Variants in SP4 observed in about 807,000 individuals in gnomAD.
SP4 encodes the protein transcription factor Sp4.
Under a neutral mutation model 72.8 loss-of-function variants are expected in SP4, and 19 were observed. That is an observed-to-expected ratio of 0.26 (90% CI 0.18 to 0.38). The LOEUF (loss-of-function observed/expected upper bound fraction) is 0.38. Among genes scored for constraint, SP4 ranks in the 10% least tolerant of loss-of-function variants. The pLI, the probability that SP4 is intolerant of heterozygous loss-of-function variation, is 1.00. For missense variants in SP4, 1,008 were observed against 926.3 expected (o/e 1.09, Z -1.14); for synonymous variants, 395 against 333.1 (o/e 1.19, Z -2.02).
At chr7:21,481,222 G>A (rs1377140716) in intron 4 of SP4, among the ~76,000 whole-genome samples, 1 of 152,182 alleles carries the variant, frequency 6.6e-6, no homozygotes, top group Non-Finnish European at 1.5e-5. Context: ...CCAGGGGTAA[G>A]ATAAGAAATG....
At chr7:21,485,723 T>C (rs910591359) in intron 5 of SP4, among the ~76,000 whole-genome samples, 2 of 152,048 alleles carry the variant, frequency 1.3e-5, no homozygotes, top group South Asian at 2.1e-4. Flanking sequence ...GCCTTTTCTT[T>C]TTTCTTGTAT....
intron 5 of SP4, among the ~76,000 whole-genome samples, chr7:21,483,524 C>T (rs765178205): frequency 6.6e-5 from 10 of 151,812 alleles, no homozygotes; most frequent in Non-Finnish European, 1.5e-4. Flanking sequence ...TTTATTCGCT[C>T]AAGATTCTTT....
chr7:21,504,294 C>T (rs1781940798), intron 5 of SP4, among the ~76,000 whole-genome samples: 1 of 152,168 alleles, frequency 6.6e-6, no homozygotes, highest in South Asian at 2.1e-4. Context: ...TTAGACCCTG[C>T]TCTGTCCAGA....
chr7:21,479,947 G>A (rs1583429315), intron 4 of SP4, among the ~76,000 whole-genome samples: 1 of 151,534 alleles, frequency 6.6e-6, no homozygotes, highest in East Asian at 1.9e-4. Flanking sequence ...CTTTTATCCT[G>A]CAACTTTTGC....
chr7:21,466,816 C>T (rs1310468621), intron 3 of SP4, among the ~76,000 whole-genome samples: 1 of 151,136 alleles, frequency 6.6e-6, no homozygotes, highest in Non-Finnish European at 1.5e-5. Context: ...CACCAGTGTA[C>T]CATGGAATCT....
intron 5 of SP4, among the ~76,000 whole-genome samples, chr7:21,492,192 T>TG (rs1784996848): frequency 6.6e-6 from 1 of 152,204 alleles, no homozygotes; most frequent in Non-Finnish European, 1.5e-5. Context: ...TGTTTTACTC[T>TG]GATAATATAG....
At chr7:21,448,043 G>A (rs1783480943) in intron 3 of SP4, among the ~76,000 whole-genome samples, 1 of 152,224 alleles carries the variant, frequency 6.6e-6, no homozygotes, top group South Asian at 2.1e-4. Flanking sequence ...TGCATTTACA[G>A]AATGACCCCC....
intron 3 of SP4, among the ~76,000 whole-genome samples, chr7:21,452,626 A>G (rs1413226282): frequency 1.3e-5 from 2 of 152,178 alleles, no homozygotes; most frequent in Admixed American, 6.5e-5. Context: ...AGTTTCTCCA[A>G]TTGTGTCCTG....
chr7:21,433,943 C>CA lies in SP4; in HGVS notation c.1678+3110dup, dbSNP rs569313640. 3.1e-4 allele frequency among the ~76,000 whole-genome samples: 43 copies of CA among 138,884 alleles called. No individual in the cohort carries two copies. The South Asian group carries it at 3.9e-3, about 13-fold the overall frequency. The allele number at this position is 138,884 out of a possible 152,430, so 91.1% of individuals were successfully genotyped here. A position where few individuals can be genotyped will look rare whatever the true frequency, so the allele number is the denominator to read the frequency against. ...GGGCAACAAGAACGAAACTCCATCT[C>CA]AAAAAAAAAAGAAAGAAAAAAAAGA... is the stretch of plus-strand genomic sequence containing the variant. On this transcript the variant is annotated intron_variant, in intron 3 of 5. Transcript: ENST00000222584.
chr7:21,430,671 T>A lies in SP4; in HGVS notation c.1506T>A (p.Ser502Arg). 1 of 1,614,244 alleles carries A rather than the reference T, an allele frequency of 6.2e-7. No homozygotes were observed. Among genetic ancestry groups the A allele is most frequent in the Non-Finnish European group, 8.5e-7 (1 of 1,180,048 alleles). ...TAACCATCACCCCAGTGTCTTCAAG[T>A]GGTGGCACAACTCTTGCTCAGATTG... ...QQLTITPVSS[S>R]GGTTLAQIAP... Residue 502 changes from serine (S) to arginine (R), a missense_variant, in exon 3 of 6, where the codon AGT (serine) becomes AGA (arginine). Ser to Arg is a moderately radical substitution (Grantham distance 110). Coordinates refer to ENST00000222584, the MANE Select transcript of SP4 (RefSeq NM_003112.5).
At chr7:21,451,954 A>G (rs764768128) in intron 3 of SP4, among the ~76,000 whole-genome samples, 9 of 152,164 alleles carry the variant, frequency 5.9e-5, no homozygotes, top group Non-Finnish European at 1.0e-4. Flanking sequence ...GGGGTTGCTA[A>G]CCAATTCCGA....
At chr7:21,483,768 T>C (rs1396001938) in intron 5 of SP4, among the ~76,000 whole-genome samples, 2 of 151,870 alleles carry the variant, frequency 1.3e-5, no homozygotes, top group African/African-American at 2.4e-5. Flanking sequence ...GACTTCTTTT[T>C]GGGCAATTTT....
chr7:21,433,918 G>A (rs1782958330), intron 3 of SP4, among the ~76,000 whole-genome samples: 1 of 151,634 alleles, frequency 6.6e-6, no homozygotes, highest in African/African-American at 2.4e-5. Context: ...ACTTCAGCCT[G>A]GGCAACAAGA....
chr7:21,474,738 C>CG (rs1330773887), intron 3 of SP4, among the ~76,000 whole-genome samples: 1 of 152,212 alleles, frequency 6.6e-6, no homozygotes, highest in Non-Finnish European at 1.5e-5. Flanking sequence ...CTGAGGATCT[C>CG]TGAGTGCACA....
intron 5 of SP4, among the ~76,000 whole-genome samples, chr7:21,495,019 A>G (rs79621540): frequency 0.047 from 7,207 of 152,276 alleles, 180 homozygotes; most frequent in Non-Finnish European, 0.056. Flanking sequence ...TAAATTGTAT[A>G]GAAGAATTAG....
At chr7:21,495,422 T>TA (rs1416611165) in intron 5 of SP4, among the ~76,000 whole-genome samples, 1 of 151,190 alleles carries the variant, frequency 6.6e-6, no homozygotes, top group African/African-American at 2.4e-5. Flanking sequence ...TTTTTTTTTT[T>TA]AAATGAGCAA....
intron 1 of SP4, 79 bp downstream of exon 1, chr7:21,428,337 C>T (rs1350042210): frequency 1.3e-6 from 1 of 746,528 alleles, no homozygotes; most frequent in Non-Finnish European, 2.4e-6. Flanking sequence ...TCGGTTCTCC[C>T]CCCTCCCCCG....
At position 21,430,295 on chromosome 7, in the gene SP4, A is replaced by G. The variant is rs1562580307; in HGVS notation, c.1130A>G (p.Gln377Arg). The change falls in exon 3 of 6, where the codon CAG (glutamine) becomes CGG (arginine). Residue 377 changes from glutamine to arginine, a missense_variant. Coordinates refer to ENST00000222584, the MANE Select transcript of SP4 (RefSeq NM_003112.5). ...GAGTCTGAAGCCCAGAGCTCCAGTC[A>G]GCTTCAGCCTAATGGAATGCAGAAT... is the stretch of plus-strand genomic sequence containing the variant. ...ATESEAQSSS[Q>R]LQPNGMQNAQ... is the part of the protein sequence containing the mutation. 6.2e-7 allele frequency: 1 copy of G among 1,614,254 alleles called. No homozygotes were observed. The highest frequency in any genetic ancestry group is 1.3e-5 in the African/African-American group (1 of 75,072).
intron 5 of SP4, among the ~76,000 whole-genome samples, chr7:21,500,328 A>G (rs1167598966): frequency 6.6e-6 from 1 of 152,216 alleles, no homozygotes; most frequent in Non-Finnish European, 1.5e-5. Flanking sequence ...ATAAGGTTAT[A>G]TCATATGTAA....
Sources: allele counts gnomAD v4.1 joint callset (sites outside exome capture counted in the v4.1 genomes callset), GRCh38; gene constraint gnomAD v4.1.1; transcripts MANE v1.5; gene names NCBI Gene and HGNC (gene_info 2026-07-23, HGNC 2026-07-21).